Variants in DCDC1 observed in about 807,000 individuals in gnomAD.
DCDC1 encodes doublecortin domain containing 1.
A neutral mutation model predicts 178.3 loss-of-function variants in DCDC1; 200 were observed. That is an observed-to-expected ratio of 1.12 (90% CI 1.00 to 1.26). The LOEUF (loss-of-function observed/expected upper bound fraction) is 1.26. Among genes scored for constraint, DCDC1 ranks in the 50% most tolerant of loss-of-function variants. The probability of loss-of-function intolerance (pLI) is 0.00; values close to 1 mark genes in which losing one functional copy is unlikely to be tolerated. For synonymous variants in DCDC1, 690 were observed against 604.8 expected, an observed-to-expected ratio of 1.14 and a Z score of -2.07; for missense variants, 1,983 against 1,749.2, an observed-to-expected ratio of 1.13 and a Z score of -2.38.
intron 9 of DCDC1, among the ~76,000 whole-genome samples, chr11:31,201,633 C>A (rs1591385687): frequency 7.1e-6 from 1 of 141,478 alleles, no homozygotes; most frequent in Non-Finnish European, 1.5e-5. Context: ...AGGTGGTGCC[C>A]AAACTAAAAA....
At chr11:30,978,985 A>G (rs1950251938) in intron 20 of DCDC1, among the ~76,000 whole-genome samples, 1 of 152,162 alleles carries the variant, frequency 6.6e-6, no homozygotes, top group Non-Finnish European at 1.5e-5. Context: ...CCTGTATTTT[A>G]AAAGATCAAA....
chr11:31,346,780 A>G (rs1381490087), intron 1 of DCDC1, among the ~76,000 whole-genome samples: 2 of 152,232 alleles, frequency 1.3e-5, no homozygotes, highest in Non-Finnish European at 2.9e-5. Context: ...GAGTAAAGGT[A>G]AGACTGTCAG....
At chr11:31,309,054 C>T (rs1470069274) in intron 3 of DCDC1, among the ~76,000 whole-genome samples, 1 of 151,936 alleles carries the variant, frequency 6.6e-6, no homozygotes, top group African/African-American at 2.4e-5. Flanking sequence ...TCCAGCCTGC[C>T]CTCTTTATGG....
At chr11:31,087,823 T>C (rs1265484062) in intron 17 of DCDC1, among the ~76,000 whole-genome samples, 1 of 152,156 alleles carries the variant, frequency 6.6e-6, no homozygotes, top group Non-Finnish European at 1.5e-5. Flanking sequence ...TTTCTATAAA[T>C]ATCAATTAGG....
intron 13 of DCDC1, among the ~76,000 whole-genome samples, chr11:31,104,209 T>A (rs563388552): frequency 6.6e-6 from 1 of 152,172 alleles, no homozygotes; most frequent in Non-Finnish European, 1.5e-5. Context: ...ATTTTCATAT[T>A]ACATATTGTT....
intron 7 of DCDC1, among the ~76,000 whole-genome samples, chr11:31,274,699 CTTT>C (rs72501499): frequency 1.3e-4 from 17 of 132,058 alleles, no homozygotes; most frequent in East Asian, 7.1e-4. Flanking sequence ...TCACAAATGT[CTTT>C]TTTTTTTTTT....
intron 20 of DCDC1, among the ~76,000 whole-genome samples, chr11:31,056,593 T>C (rs1955599023): frequency 6.6e-6 from 1 of 152,152 alleles, no homozygotes; most frequent in Non-Finnish European, 1.5e-5. Flanking sequence ...GAGTATTTTA[T>C]AACAATGTAA....
At chr11:30,987,597 A>T (rs376872317) in intron 20 of DCDC1, among the ~76,000 whole-genome samples, 75 of 152,254 alleles carry the variant, frequency 4.9e-4, no homozygotes, top group Middle Eastern at 3.4e-3. Context: ...TTATAGGGCT[A>T]TATTTAAGCT....
At chr11:31,105,065 C>A (rs897069392) in intron 13 of DCDC1, among the ~76,000 whole-genome samples, 2 of 152,038 alleles carry the variant, frequency 1.3e-5, no homozygotes, top group Non-Finnish European at 1.5e-5. Flanking sequence ...TTACTTAACA[C>A]GTATTGCACA....
intron 9 of DCDC1, among the ~76,000 whole-genome samples, chr11:31,219,027 C>T (rs1973925823): frequency 6.6e-6 from 1 of 152,056 alleles, no homozygotes; most frequent in African/African-American, 2.4e-5. Context: ...TTTAAACAAG[C>T]TTTGACCTGG....
intron 8 of DCDC1, among the ~76,000 whole-genome samples, chr11:31,253,733 T>C (rs1472252247): frequency 6.6e-6 from 1 of 152,240 alleles, no homozygotes; most frequent in African/African-American, 2.4e-5. Context: ...TGTGCTTTTT[T>C]CTTTAAGCTG....
At chr11:31,314,280 A>G (rs1052998373) in intron 3 of DCDC1, among the ~76,000 whole-genome samples, 1 of 152,234 alleles carries the variant, frequency 6.6e-6, no homozygotes, top group Admixed American at 6.5e-5. Context: ...GGATTAATAC[A>G]AGAACATTAA....
intron 9 of DCDC1, among the ~76,000 whole-genome samples, chr11:31,228,833 C>A (rs1411842752): frequency 6.6e-6 from 1 of 151,594 alleles, no homozygotes; most frequent in Non-Finnish European, 1.5e-5. Flanking sequence ...TACTAAAGAT[C>A]AAAAATAATT....
chr11:31,277,284 G>C (rs1946064189), intron 7 of DCDC1, among the ~76,000 whole-genome samples: 1 of 151,994 alleles, frequency 6.6e-6, no homozygotes, highest in Non-Finnish European at 1.5e-5. Context: ...TTGAAAAATA[G>C]TCCTTGACAT....
Position 31,186,202 on chromosome 11 carries a change from C to T in DCDC1, c.1222-48418G>A, listed in dbSNP as rs1969458750. Among the ~76,000 whole-genome samples the T allele has an allele frequency of 2.0e-5, 3 of 152,092 alleles. No homozygotes were observed. In the South Asian group the frequency reaches 6.2e-4, roughly 32 times the overall value. The stretch of plus-strand genomic sequence containing the variant: ...TGTGACCTGGCCCTCTCTTGTTTCT[C>T]AGAGTTCAGCCCTCTCCACTCTCTC... On this transcript the variant is annotated intron_variant, in intron 9 of 38. Transcript: ENST00000684477.
At chr11:30,968,726 T>TATATATATATATATATATATATATATAC (rs1565135505) in intron 20 of DCDC1, among the ~76,000 whole-genome samples, 3 of 130,190 alleles carry the variant, frequency 2.3e-5, no homozygotes, top group Non-Finnish European at 4.9e-5. Context: ...TATATATATA[T>TATATATATATATATATATATATATATAC]ATATATATAT....
At chr11:30,951,112 A>T (rs992817587) in intron 21 of DCDC1, among the ~76,000 whole-genome samples, 1 of 152,136 alleles carries the variant, frequency 6.6e-6, no homozygotes, top group Non-Finnish European at 1.5e-5. Context: ...ATTCTGCAAG[A>T]TGCCAATCCA....
chr11:30,916,107 T>C (rs1055145662), intron 26 of DCDC1, among the ~76,000 whole-genome samples: 1 of 152,218 alleles, frequency 6.6e-6, no homozygotes, highest in Non-Finnish European at 1.5e-5. Context: ...ACTATGATTG[T>C]TTCTTTCCTC....
At chr11:31,350,927 A>ATATT (rs3059728) in intron 1 of DCDC1, among the ~76,000 whole-genome samples, 130,161 of 151,738 alleles carry the variant, frequency 0.86, 56,381 homozygotes, top group East Asian at 1. Flanking sequence ...AGAAATGCAA[A>ATATT]TACATTTTTT....
Sources: gnomAD v4.1 joint callset for allele counts (sites outside exome capture counted in the v4.1 genomes callset) on GRCh38, gnomAD v4.1.1 for gene constraint, MANE v1.5 for transcripts, NCBI Gene and HGNC (gene_info 2026-07-23, HGNC 2026-07-21) for gene names.